GRM4: variants seen among roughly 807,000 people sequenced by gnomAD.
The protein encoded by GRM4 is glutamate metabotropic receptor 4.
GRM4 carries 28 observed loss-of-function variants against 81.7 expected under a neutral mutation model. The observed-to-expected ratio is 0.34, with a 90% CI of 0.25 to 0.47. GRM4 has a LOEUF of 0.47. Ranked by LOEUF, GRM4 falls within the 20% of genes least tolerant of loss-of-function variation. The pLI is 1.00. For synonymous variants in GRM4, 488 were observed against 528.8 expected (o/e 0.92, Z 1.06); for missense variants, 948 against 1,290.0 (o/e 0.73, Z 4.06).
chr6:34,133,475 C>A lies in GRM4; in HGVS notation c.22G>T (p.Gly8Cys). Reference sequence around the variant, plus strand: ...AGGGGCAGCCGGGCCCACCACCAGCCCAAGCCTCTCTTCCCAGGCATCTCG... The same window carrying A: ...AGGGGCAGCCGGGCCCACCACCAGCACAAGCCTCTCTTCCCAGGCATCTCG... MPGKRGLGWWWARLPLCL... is the reference protein window; with the variant it reads MPGKRGLCWWWARLPLCL... The change falls in exon 2 of 11, where the codon GGC becomes TGC. Residue 8 changes from glycine to cysteine, a missense_variant. Gly to Cys is a radical substitution (Grantham distance 159). Coordinates refer to ENST00000538487, the MANE Select transcript of GRM4 (RefSeq NM_000841.4). The surrounding 1 kb of genome is among the most constrained non-coding windows in gnomAD (Gnocchi z 6.5). The A allele has an allele frequency of 6.3e-7, 1 of 1,578,600 alleles. No individual in the cohort carries two copies. Among genetic ancestry groups the A allele is most frequent in the Admixed American group, 1.8e-5 (1 of 56,532 alleles).
At position 34,080,889 on chromosome 6, in the gene GRM4, C is replaced by CACAA. The variant is rs1767561432; in HGVS notation, c.736+10993_736+10994insTTGT. On this transcript the variant is annotated intron_variant, in intron 3 of 10. Transcript: ENST00000538487. This position sits in a 1 kb window ranked among gnomAD's most constrained non-coding sequence, Gnocchi z 5.4. Reference sequence around the variant, plus strand: ...ATACATATACACACACACACACACACAACCCTTACCATGCCAAGGTCTTCC... The same window carrying CACAA: ...ATACATATACACACACACACACACACACAAAACCCTTACCATGCCAAGGTCTTCC... 6.6e-6 allele frequency among the ~76,000 whole-genome samples: 1 copy of CACAA among 150,976 alleles called. No homozygotes were observed. Among genetic ancestry groups the CACAA allele is most frequent in the South Asian group, 2.1e-4 (1 of 4,772 alleles).
rs1007762464 is a variant in GRM4 at position 34,068,249 on chromosome 6, A to G, written c.737-6221T>C. Among the ~76,000 whole-genome samples the G allele has an allele frequency of 2.0e-5, 3 of 152,118 alleles. No homozygotes were observed. The highest frequency in any genetic ancestry group is 4.4e-5 in the Non-Finnish European group (3 of 68,016). On this transcript the variant is annotated intron_variant, in intron 3 of 10. Coordinates refer to ENST00000538487, the MANE Select transcript of GRM4 (RefSeq NM_000841.4). This position sits in a 1 kb window ranked among gnomAD's most constrained non-coding sequence, Gnocchi z 4.2. ...ACGCAGCTGGAGAGGCAGAGGCTGG[A>G]TCTGAACTCGGGTCTGACTATTCTC...
Position 34,111,023 on chromosome 6 carries a change from T to A in GRM4, c.520-18924A>T. ...ATGGGCACCCTCAGGCTGCCAAGGCTTGGGGGCAGCTCCAGACAATCCGTC... is the reference window on the plus strand; with the variant it reads ...ATGGGCACCCTCAGGCTGCCAAGGCATGGGGGCAGCTCCAGACAATCCGTC... On this transcript the variant is annotated intron_variant, in intron 2 of 10. Coordinates refer to ENST00000538487, the MANE Select transcript of GRM4 (RefSeq NM_000841.4). The surrounding 1 kb of genome is among the most constrained non-coding windows in gnomAD (Gnocchi z 5.1). 1 of 292,034 alleles carries A rather than the reference T, an allele frequency of 3.4e-6. No individual in the cohort carries two copies. Among genetic ancestry groups the A allele is most frequent in the Non-Finnish European group, 6.1e-6 (1 of 162,640 alleles). 18.1% of individuals were successfully genotyped at this position (292,034 alleles called of 1,614,324 possible). A position where few individuals can be genotyped will look rare whatever the true frequency, so the allele number is the denominator to read the frequency against.
intron 9 of GRM4, among the ~76,000 whole-genome samples, chr6:34,033,929 G>A (rs1230627455): frequency 6.6e-6 from 1 of 152,162 alleles, no homozygotes; most frequent in African/African-American, 2.4e-5. Context: ...GCTAGAGACA[G>A]GGTTTCACCA....
rs71000021 is a variant in GRM4 at position 34,069,167 on chromosome 6, TAC to T, written c.737-7141_737-7140del. The stretch of plus-strand genomic sequence containing the variant: ...CTACCCCTGGACCCTCATGGGCGTA[TAC>T]ACACACACACACACACACACACACA... On this transcript the variant is annotated intron_variant, in intron 3 of 10. Coordinates refer to ENST00000538487, the MANE Select transcript of GRM4 (RefSeq NM_000841.4). This position sits in a 1 kb window ranked among gnomAD's most constrained non-coding sequence, Gnocchi z 6.4. Among the ~76,000 whole-genome samples the T allele has an allele frequency of 0.25, 33,346 of 134,342 alleles. 4,479 individuals are homozygous for T. Among genetic ancestry groups the T allele is most frequent in the Admixed American group, 0.33 (4,572 of 13,772 alleles). The allele number at this position is 134,342 out of a possible 152,430, so 88.1% of individuals were successfully genotyped here.
intron 3 of GRM4, among the ~76,000 whole-genome samples, chr6:34,072,230 C>CCACA (rs199994906): frequency 9.2e-6 from 1 of 108,408 alleles, no homozygotes; most frequent in Non-Finnish European, 2.2e-5. Flanking sequence ...CAGATGCACA[C>CCACA]CACACACACA....
At chr6:34,045,041 C>T (rs1412860036) in intron 6 of GRM4, among the ~76,000 whole-genome samples, 1 of 152,008 alleles carries the variant, frequency 6.6e-6, no homozygotes, top group Non-Finnish European at 1.5e-5. Context: ...CCCCACCACA[C>T]CACACACACT....
At chr6:34,072,166 ACAT>A (rs1282389968) in intron 3 of GRM4, among the ~76,000 whole-genome samples, 2 of 151,170 alleles carry the variant, frequency 1.3e-5, no homozygotes, top group African/African-American at 2.4e-5. Context: ...ACACACCCAT[ACAT>A]CACCACACAG....
chr6:34,083,657 A>T (rs1767727833), intron 3 of GRM4, among the ~76,000 whole-genome samples: 1 of 152,184 alleles, frequency 6.6e-6, no homozygotes, highest in South Asian at 2.1e-4. Context: ...GTCCTGGGAA[A>T]ACACAACGTC....
At chr6:34,107,430 C>T (rs917764297) in intron 2 of GRM4, among the ~76,000 whole-genome samples, 6 of 152,164 alleles carry the variant, frequency 3.9e-5, no homozygotes, top group African/African-American at 1.2e-4. Flanking sequence ...GCCGTATGCT[C>T]GTATTGCTGA....
At chr6:34,151,992 C>T (rs1378270092) in intron 1 of GRM4, among the ~76,000 whole-genome samples, 3 of 152,070 alleles carry the variant, frequency 2.0e-5, no homozygotes, top group Non-Finnish European at 2.9e-5. Context: ...AGGGACCTCA[C>T]GACTGGGGCC....
chr6:34,088,920 A>G (rs1768053088), intron 3 of GRM4, among the ~76,000 whole-genome samples: 1 of 152,186 alleles, frequency 6.6e-6, no homozygotes, highest in Admixed American at 6.5e-5. Flanking sequence ...GCCTGGTGCC[A>G]GTGGCCCAGT....
chr6:34,125,662 G>C (rs1769994489), intron 2 of GRM4, among the ~76,000 whole-genome samples: 1 of 152,198 alleles, frequency 6.6e-6, no homozygotes, highest in Admixed American at 6.5e-5. Context: ...AGTAGCCACG[G>C]GGGCTCTGAG....
chr6:34,027,089 C>T (rs1256876175), intron 10 of GRM4, among the ~76,000 whole-genome samples: 1 of 152,154 alleles, frequency 6.6e-6, no homozygotes. Flanking sequence ...GCATGGGGGC[C>T]AGCATGGCAC....
rs756551899 is a variant in GRM4 at position 34,036,653 on chromosome 6, C to T, written c.1507-50G>A. 1 of 1,044,634 alleles carries T rather than the reference C, an allele frequency of 9.6e-7. No homozygotes were observed. The highest frequency in any genetic ancestry group is 1.4e-6 in the Non-Finnish European group (1 of 712,014). 64.7% of individuals were successfully genotyped at this position (1,044,634 alleles called of 1,614,324 possible). A position where few individuals can be genotyped will look rare whatever the true frequency, so the allele number is the denominator to read the frequency against. On this transcript the variant is annotated intron_variant, in intron 8 of 10. Coordinates refer to ENST00000538487, the MANE Select transcript of GRM4 (RefSeq NM_000841.4). This position sits in a 1 kb window ranked among gnomAD's most constrained non-coding sequence, Gnocchi z 9.0. ...AGGCCTCAGAACATGCCACCCGGTG[C>T]CCCGGACCATCCTACTGGGTGGTGG... is the stretch of plus-strand genomic sequence containing the variant.
At chr6:34,072,440 T>A (rs111066524) in intron 3 of GRM4, among the ~76,000 whole-genome samples, 26,625 of 104,478 alleles carry the variant, frequency 0.25, 3,400 homozygotes, top group African/African-American at 0.44. Context: ...ACACACACAC[T>A]CACCACACGC....
chr6:34,096,770 G>GTA (rs1768538122), intron 2 of GRM4, among the ~76,000 whole-genome samples: 2 of 152,248 alleles, frequency 1.3e-5, no homozygotes, highest in African/African-American at 4.8e-5. Flanking sequence ...AGTGACTGAG[G>GTA]GGTGGAAGGA....
intron 2 of GRM4, among the ~76,000 whole-genome samples, chr6:34,107,880 C>T (rs1769200623): frequency 6.6e-6 from 1 of 152,194 alleles, no homozygotes; most frequent in Non-Finnish European, 1.5e-5. Context: ...CCCTCTGGCT[C>T]CCAGGTGTCT....
At chr6:34,058,277 C>T (rs1251316898) in intron 5 of GRM4, among the ~76,000 whole-genome samples, 1 of 152,110 alleles carries the variant, frequency 6.6e-6, no homozygotes, top group Non-Finnish European at 1.5e-5. Flanking sequence ...CCCTCTGCCT[C>T]AGTATGAAGA....
Sources: gnomAD v4.1 joint callset for allele counts (sites outside exome capture counted in the v4.1 genomes callset) on GRCh38, gnomAD v4.1.1 for gene constraint, Gnocchi (gnomAD v3.1) non-coding constraint, MANE v1.5 for transcripts, NCBI Gene and HGNC (gene_info 2026-07-23, HGNC 2026-07-21) for gene names.